Variants in MLIP observed in about 807,000 individuals in gnomAD.
The protein encoded by MLIP is muscular LMNA interacting protein, also known as muscular LMNA-interacting protein.
MLIP carries 79 observed loss-of-function variants against 84.8 expected under a neutral mutation model. The ratio of observed to expected loss-of-function variants is 0.93; its 90% confidence interval spans 0.78 to 1.12. The LOEUF (loss-of-function observed/expected upper bound fraction) is 1.12, where lower values mean the gene tolerates loss of function less well. Ranked by LOEUF, MLIP falls within the 50% of genes most tolerant of loss-of-function variation. MLIP has a pLI of 0.00. For missense variants in MLIP, 1,257 were observed against 1,160.6 expected, an observed-to-expected ratio of 1.08 and a Z score of -1.21; for synonymous variants, 504 against 463.0, an observed-to-expected ratio of 1.09 and a Z score of -1.14.
chr6:54,036,868 G>T (rs555758368), intron 1 of MLIP, among the ~76,000 whole-genome samples: 139 of 151,996 alleles, frequency 9.1e-4, no homozygotes, highest in African/African-American at 3.2e-3. Context: ...AGAGAAGTTG[G>T]GTCTCTGATA....
At chr6:54,110,306 C>T (rs866975967), upstream of MLIP, among the ~76,000 whole-genome samples, 6 of 151,994 alleles carry the variant, frequency 3.9e-5, no homozygotes, top group Non-Finnish European at 8.8e-5. Flanking sequence ...TTCTTGTTTT[C>T]TTTTTTCACT....
At chr6:54,103,111 A>C (rs1050337928) in intron 1 of MLIP, among the ~76,000 whole-genome samples, 1 of 152,132 alleles carries the variant, frequency 6.6e-6, no homozygotes, top group Non-Finnish European at 1.5e-5. Context: ...GAGCATTCAA[A>C]GCAGAGGGAG....
At chr6:54,183,140 A>T (rs1429786663) in intron 9 of MLIP, among the ~76,000 whole-genome samples, 1 of 151,978 alleles carries the variant, frequency 6.6e-6, no homozygotes, top group Non-Finnish European at 1.5e-5. Flanking sequence ...CAGCTCACAC[A>T]CTCTTCTTGT....
At chr6:54,052,189 G>C (rs1459365812) in intron 1 of MLIP, among the ~76,000 whole-genome samples, 1 of 152,108 alleles carries the variant, frequency 6.6e-6, no homozygotes, top group African/African-American at 2.4e-5. Flanking sequence ...GTAGCCCTTT[G>C]CTCAATTACT....
At chr6:54,123,942 G>A (rs984114567) in intron 2 of MLIP, among the ~76,000 whole-genome samples, 2 of 151,970 alleles carry the variant, frequency 1.3e-5, no homozygotes, top group African/African-American at 4.8e-5. Flanking sequence ...CATCTTTTTT[G>A]GTGTTCTATT....
intron 1 of MLIP, among the ~76,000 whole-genome samples, chr6:54,119,532 TGGTTGGTA>T (rs1435049884): frequency 1.3e-5 from 2 of 152,132 alleles, no homozygotes; most frequent in Non-Finnish European, 2.9e-5. Context: ...CCAGAGGCTG[TGGTTGGTA>T]GGAGGGAGGG....
intron 5 of MLIP, among the ~76,000 whole-genome samples, chr6:54,151,969 GT>G (rs1279899256): frequency 6.6e-6 from 1 of 152,040 alleles, no homozygotes; most frequent in African/African-American, 2.4e-5. Context: ...GGAACATGAG[GT>G]TTCTGGTACT....
intron 5 of MLIP, 152 bp downstream of exon 5, chr6:54,149,279 A>T (rs181976134): frequency 1.7e-5 from 12 of 703,122 alleles, no homozygotes; most frequent in Non-Finnish European, 2.6e-5. Flanking sequence ...TGGTGAAAAC[A>T]TTTTGGTGAA....
chr6:54,221,741 A>G (rs1019958975), intron 11 of MLIP, among the ~76,000 whole-genome samples: 2 of 152,002 alleles, frequency 1.3e-5, no homozygotes, highest in Admixed American at 1.3e-4. Flanking sequence ...GCAAAAGTAG[A>G]TCATCTCGAG....
intron 12 of MLIP, among the ~76,000 whole-genome samples, chr6:54,245,300 A>T (rs545111548): frequency 5.4e-4 from 82 of 152,338 alleles, no homozygotes; most frequent in Non-Finnish European, 7.1e-4. Context: ...AGGGGCAAAG[A>T]GCTGAGCAAA....
chr6:54,127,944 A>T (rs1339551287), intron 3 of MLIP, among the ~76,000 whole-genome samples: 1 of 152,166 alleles, frequency 6.6e-6, no homozygotes, highest in Non-Finnish European at 1.5e-5. Flanking sequence ...GTTACGGGAG[A>T]GGTGAATACA....
chr6:54,247,144 C>A (rs1782136209), intron 12 of MLIP, among the ~76,000 whole-genome samples: 1 of 152,078 alleles, frequency 6.6e-6, no homozygotes, highest in African/African-American at 2.4e-5. Flanking sequence ...TTTGAATGAA[C>A]TTTTAACAGT....
At chr6:54,194,376 G>A (rs911662710) in intron 10 of MLIP, among the ~76,000 whole-genome samples, 20 of 152,034 alleles carry the variant, frequency 1.3e-4, no homozygotes, top group African/African-American at 3.9e-4. Context: ...TATCAGGTAC[G>A]CCTCCTCAGG....
chr6:54,185,292 T>C (rs1269146117), intron 9 of MLIP, among the ~76,000 whole-genome samples: 2 of 152,192 alleles, frequency 1.3e-5, no homozygotes, highest in African/African-American at 4.8e-5. Context: ...TAAGGACAAA[T>C]CTGTAATAGT....
At chr6:54,255,736 G>A (rs953128289) in intron 12 of MLIP, among the ~76,000 whole-genome samples, 3 of 152,086 alleles carry the variant, frequency 2.0e-5, no homozygotes, top group South Asian at 2.1e-4. Context: ...ATAATGACTC[G>A]ATTGCTTTTC....
intron 9 of MLIP, among the ~76,000 whole-genome samples, chr6:54,177,001 G>T (rs995612188): frequency 9.9e-5 from 15 of 152,098 alleles, no homozygotes; most frequent in African/African-American, 3.1e-4. Context: ...CTAGCCGTAA[G>T]CAGAAAATTG....
At chr6:54,255,913 G>A (rs1782975148) in intron 12 of MLIP, among the ~76,000 whole-genome samples, 1 of 152,130 alleles carries the variant, frequency 6.6e-6, no homozygotes, top group South Asian at 2.1e-4. Context: ...CAATGACTGT[G>A]CTATTTCCAG....
In MLIP at chr6:54,177,878, G is replaced by A. The variant is rs1776455414; in HGVS notation, c.2544+8306G>A. Reference sequence around the variant, plus strand: ...ACTATGTAGCCATATAAAGGAAAAAGATCATGTCTTTTGCGGGAACATGGA... The same window carrying A: ...ACTATGTAGCCATATAAAGGAAAAAAATCATGTCTTTTGCGGGAACATGGA... On this transcript the variant is annotated intron_variant, in intron 9 of 13. Transcript: ENST00000502396. 3.3e-5 allele frequency among the ~76,000 whole-genome samples: 5 copies of A among 152,148 alleles called. No homozygotes were observed. In the South Asian group the frequency reaches 1.0e-3, roughly 32 times the overall value.
chr6:54,068,679 C>T lies in MLIP; in HGVS notation c.63+49588C>T, dbSNP rs1406343423. 2.0e-5 allele frequency among the ~76,000 whole-genome samples: 2 copies of T among 101,128 alleles called. 1 individual carries two copies. Among genetic ancestry groups the T allele is most frequent in the Non-Finnish European group, 5.7e-5 (2 of 35,186 alleles). 66.3% of individuals were successfully genotyped at this position (101,128 alleles called of 152,430 possible). A position where few individuals can be genotyped will look rare whatever the true frequency, so the allele number is the denominator to read the frequency against. On this transcript the variant is annotated intron_variant, in intron 1 of 12. Coordinates refer to the MLIP transcript ENST00000274897. ...TCTGTCAGACACTTTAAACAACAGT[C>T]TTAAGCACTTTGAATGTATTTTTAA...
Sources: gnomAD v4.1 joint callset for allele counts (sites outside exome capture counted in the v4.1 genomes callset) on GRCh38, gnomAD v4.1.1 for gene constraint, MANE v1.5 for transcripts, NCBI Gene and HGNC (gene_info 2026-07-23, HGNC 2026-07-21) for gene names.